PRKCA: variants seen among roughly 807,000 people sequenced by gnomAD.
PRKCA encodes protein kinase C alpha type.
A neutral mutation model predicts 87.0 loss-of-function variants in PRKCA; 27 were observed. The ratio of observed to expected loss-of-function variants is 0.31; its 90% confidence interval spans 0.23 to 0.43. The LOEUF is 0.43. Ranked by LOEUF, PRKCA falls within the 20% of genes least tolerant of loss-of-function variation. The pLI is 1.00. For synonymous variants in PRKCA, 329 were observed against 311.1 expected (o/e 1.06, Z -0.61); for missense variants, 518 against 852.3 (o/e 0.61, Z 4.88).
chr17:66,653,806 AAAAC>A (rs1180337311), intron 5 of PRKCA, among the ~76,000 whole-genome samples: 11 of 69,324 alleles, frequency 1.6e-4, no homozygotes, highest in Admixed American at 1.6e-4. Flanking sequence ...AAAAAAAAAA[AAAAC>A]AAAACCAACA....
At chr17:66,719,471 A>T (rs1973558875) in intron 8 of PRKCA, among the ~76,000 whole-genome samples, 1 of 152,254 alleles carries the variant, frequency 6.6e-6, no homozygotes, top group African/African-American at 2.4e-5. Flanking sequence ...AAATGAGTAT[A>T]AAATTTTAGA....
intron 8 of PRKCA, among the ~76,000 whole-genome samples, chr17:66,714,250 C>A (rs1009821747): frequency 6.6e-6 from 1 of 151,786 alleles, no homozygotes; most frequent in Admixed American, 6.6e-5. Context: ...GGAGAATGCC[C>A]CCTTGTGAGT....
chr17:66,573,108 TG>T (rs1443856415), intron 3 of PRKCA, among the ~76,000 whole-genome samples: 1 of 152,190 alleles, frequency 6.6e-6, no homozygotes, highest in Non-Finnish European at 1.5e-5. Context: ...TAGAAATGCT[TG>T]GTTTGTGGGT....
chr17:66,527,754 A>G (rs1967395311), intron 3 of PRKCA, among the ~76,000 whole-genome samples: 1 of 152,266 alleles, frequency 6.6e-6, no homozygotes, highest in Admixed American at 6.5e-5. Flanking sequence ...AGACATTTTA[A>G]AAGAAAAGAC....
At position 66,788,880 on chromosome 17, in the gene PRKCA, T is replaced by A; in HGVS notation, c.1755T>A (p.Pro585=). The A allele has an allele frequency of 6.2e-7, 1 of 1,614,030 alleles. No homozygotes were observed. The highest frequency in any genetic ancestry group is 8.5e-7 in the Non-Finnish European group (1 of 1,179,984). The stretch of plus-strand genomic sequence containing the variant: ...CAGCCAAGCGGCTGGGCTGTGGGCC[T>A]GAGGGGGAGAGGGACGTGAGAGAGC... ...KHPAKRLGCG[P]EGERDVREHA... is the part of the protein sequence containing the mutation. Residue 585 remains proline (P), a synonymous_variant, in exon 16 of 17, where the codon CCT becomes CCA. Transcript: ENST00000413366.
intron 8 of PRKCA, among the ~76,000 whole-genome samples, chr17:66,708,371 T>G (rs1567987710): frequency 6.6e-6 from 1 of 151,628 alleles, no homozygotes; most frequent in Non-Finnish European, 1.5e-5. Flanking sequence ...CTTGCAGATG[T>G]GTAGAGCAAG....
chr17:66,529,665 C>T (rs535241848), intron 3 of PRKCA, among the ~76,000 whole-genome samples: 1 of 152,190 alleles, frequency 6.6e-6, no homozygotes, highest in East Asian at 1.9e-4. Context: ...TTGTATTTGT[C>T]CCAAGGTGAG....
intron 13 of PRKCA, among the ~76,000 whole-genome samples, chr17:66,768,662 A>G (rs542884591): frequency 1.3e-5 from 2 of 152,306 alleles, no homozygotes; most frequent in South Asian, 2.1e-4. Flanking sequence ...AGAGAGAGAC[A>G]ACAAGGCGGG....
chr17:66,644,843 A>G (rs1481143283), intron 4 of PRKCA, among the ~76,000 whole-genome samples: 1 of 152,158 alleles, frequency 6.6e-6, no homozygotes, highest in African/African-American at 2.4e-5. Context: ...CTTATGTTCA[A>G]GCTGGGTGCA....
At chr17:66,639,571 A>G (rs1020499881) in intron 3 of PRKCA, among the ~76,000 whole-genome samples, 4 of 152,048 alleles carry the variant, frequency 2.6e-5, no homozygotes, top group Non-Finnish European at 4.4e-5. Context: ...TATTTTTAAT[A>G]GAGACAGGGT....
At chr17:66,386,733 G>A (rs545080867) in intron 2 of PRKCA, among the ~76,000 whole-genome samples, 1 of 152,198 alleles carries the variant, frequency 6.6e-6, no homozygotes, top group East Asian at 1.9e-4. Context: ...ACTCCCTGTT[G>A]CCCTACACAC....
chr17:66,644,603 G>A (rs61762400), intron 4 of PRKCA, among the ~76,000 whole-genome samples: 1,992 of 152,190 alleles, frequency 0.013, 52 homozygotes, highest in African/African-American at 0.045. Flanking sequence ...CATGCTAGGC[G>A]GGTATTTGTT....
intron 2 of PRKCA, among the ~76,000 whole-genome samples, chr17:66,389,089 C>G (rs1344841120): frequency 3.9e-5 from 6 of 152,138 alleles, no homozygotes; most frequent in Non-Finnish European, 8.8e-5. Context: ...ATATGCCTTT[C>G]TAATAAAACG....
intron 3 of PRKCA, among the ~76,000 whole-genome samples, chr17:66,625,363 G>T (rs1249433153): frequency 6.6e-6 from 1 of 152,190 alleles, no homozygotes; most frequent in Non-Finnish European, 1.5e-5. Flanking sequence ...TTCATCAGAA[G>T]TGCAATGACA....
At chr17:66,483,155 C>T (rs551178550) in intron 2 of PRKCA, among the ~76,000 whole-genome samples, 1 of 152,286 alleles carries the variant, frequency 6.6e-6, no homozygotes, top group East Asian at 1.9e-4. Flanking sequence ...TTCCAAAAAC[C>T]ACCTTGTTGC....
chr17:66,422,198 C>T (rs531303376), intron 2 of PRKCA, among the ~76,000 whole-genome samples: 3 of 152,234 alleles, frequency 2.0e-5, no homozygotes, highest in Admixed American at 1.3e-4. Flanking sequence ...AATAAGGTCA[C>T]ATTCTGAGAT....
At chr17:66,709,833 T>C (rs2144121613) in intron 8 of PRKCA, among the ~76,000 whole-genome samples, 1 of 152,304 alleles carries the variant, frequency 6.6e-6, no homozygotes, top group East Asian at 1.9e-4. Context: ...TCCAAGATAT[T>C]GAAGAGCCTT....
intron 2 of PRKCA, among the ~76,000 whole-genome samples, chr17:66,345,579 A>G (rs1358726925): frequency 6.6e-6 from 1 of 152,194 alleles, no homozygotes; most frequent in Non-Finnish European, 1.5e-5. Context: ...CTGGAGCTCC[A>G]GGGTCAGGGA....
At chr17:66,760,587 G>A (rs1974660688) in intron 13 of PRKCA, among the ~76,000 whole-genome samples, 1 of 152,126 alleles carries the variant, frequency 6.6e-6, no homozygotes, top group Non-Finnish European at 1.5e-5. Context: ...AACAGGGAAA[G>A]TCAACAAACC....
Sources: gnomAD v4.1 joint callset for allele counts (sites outside exome capture counted in the v4.1 genomes callset) on GRCh38, gnomAD v4.1.1 for gene constraint, MANE v1.5 for transcripts, NCBI Gene and HGNC (gene_info 2026-07-23, HGNC 2026-07-21) for gene names.